The following CGNL1 variants were observed in gnomAD, a reference collection of about 807,000 sequenced individuals.
The protein encoded by CGNL1 is cingulin-like protein 1.
CGNL1 carries 132 observed loss-of-function variants against 141.2 expected under a neutral mutation model. That is an observed-to-expected ratio of 0.93 (90% CI 0.81 to 1.08). The LOEUF (loss-of-function observed/expected upper bound fraction) is 1.08, where lower values mean the gene tolerates loss of function less well. Among genes scored for constraint, CGNL1 ranks in the 50% least tolerant of loss-of-function variants. The pLI is 0.00. For synonymous variants in CGNL1, 690 were observed against 622.1 expected (o/e 1.11, Z -1.63); for missense variants, 1,870 against 1,588.6 (o/e 1.18, Z -3.01).
rs71116514 is a variant in CGNL1, at chr15:57,378,363, G to GTTTTTTT, written c.-16+1825_-16+1831dup. Among the ~76,000 whole-genome samples, 41 of 33,938 alleles carry GTTTTTTT rather than the reference G, an allele frequency of 1.2e-3. 4 individuals carry two copies. The highest frequency in any genetic ancestry group is 2.3e-3 in the Admixed American group (7 of 3,006). The allele number at this position is 33,938 out of a possible 152,430, so 22.3% of individuals were successfully genotyped here. ...TTTCTTAGGGGGTGGCCCTCTATGTGTTTTTTTTTTTTTTTTTTTTTTTTT... is the reference window on the plus strand; with the variant it reads ...TTTCTTAGGGGGTGGCCCTCTATGTGTTTTTTTTTTTTTTTTTTTTTTTTTTTTTTTT... On this transcript the variant is annotated intron_variant, in intron 1 of 18. Coordinates refer to ENST00000281282, the MANE Select transcript of CGNL1 (RefSeq NM_032866.5).
At position 57,442,494 on chromosome 15, in the gene CGNL1, G is replaced by T; in HGVS notation, c.1803+16G>T. On this transcript the variant is annotated intron_variant, in intron 4 of 18. Transcript: ENST00000281282. ...AAATAACCAAGTAAATGGAAGTTTT[G>T]TATTTTGTAGAGTGCATTTAGCATG... 1.3e-6 allele frequency: 2 copies of T among 1,486,492 alleles called. No individual in the cohort carries two copies. The highest frequency in any genetic ancestry group is 9.4e-7 in the Non-Finnish European group (1 of 1,064,690). 92.1% of individuals were successfully genotyped at this position (1,486,492 alleles called of 1,614,324 possible).
intron 7 of CGNL1, among the ~76,000 whole-genome samples, chr15:57,458,467 G>A (rs550219989): frequency 8.5e-5 from 13 of 152,300 alleles, no homozygotes; most frequent in Admixed American, 2.0e-4. Context: ...ACAGCATGTC[G>A]TTGCAGAATG....
At chr15:57,449,391 A>C (rs2063295130) in intron 4 of CGNL1, among the ~76,000 whole-genome samples, 1 of 152,126 alleles carries the variant, frequency 6.6e-6, no homozygotes, top group African/African-American at 2.4e-5. Context: ...TTCTCACTTA[A>C]ATTAACAAAC....
chr15:57,415,343 A>G (rs2062837138), intron 1 of CGNL1, among the ~76,000 whole-genome samples: 1 of 152,174 alleles, frequency 6.6e-6, no homozygotes, highest in African/African-American at 2.4e-5. Context: ...GAGTCCTTAT[A>G]TGGGAGACAG....
intron 1 of CGNL1, among the ~76,000 whole-genome samples, chr15:57,415,943 T>C (rs1272158286): frequency 6.6e-6 from 1 of 152,184 alleles, no homozygotes; most frequent in African/African-American, 2.4e-5. Context: ...TTCCCTGAGT[T>C]TCCCTTTGCC....
At chr15:57,412,608 C>T (rs1385849249) in intron 1 of CGNL1, among the ~76,000 whole-genome samples, 2 of 152,190 alleles carry the variant, frequency 1.3e-5, no homozygotes, top group African/African-American at 4.8e-5. Flanking sequence ...AACTCATTGT[C>T]TCCTGAAACA....
chr15:57,497,912 G>A (rs553034739), intron 8 of CGNL1, among the ~76,000 whole-genome samples: 7 of 152,332 alleles, frequency 4.6e-5, no homozygotes, highest in African/African-American at 9.6e-5. Flanking sequence ...TCAGTGTCAC[G>A]CTGAGAAGAG....
chr15:57,390,970 TAGTC>T (rs1376714642), intron 1 of CGNL1, among the ~76,000 whole-genome samples: 67 of 152,220 alleles, frequency 4.4e-4, no homozygotes, highest in African/African-American at 1.5e-3. Flanking sequence ...CCACCTGTAA[TAGTC>T]AGTGACAGGT....
intron 12 of CGNL1, among the ~76,000 whole-genome samples, chr15:57,528,116 G>A (rs150663515): frequency 6.6e-6 from 1 of 152,148 alleles, no homozygotes; most frequent in Non-Finnish European, 1.5e-5. Flanking sequence ...AATTAGCTCA[G>A]TGTGGTGGCA....
intron 4 of CGNL1, among the ~76,000 whole-genome samples, chr15:57,449,281 C>G (rs187284989): frequency 6.6e-6 from 1 of 152,320 alleles, no homozygotes; most frequent in East Asian, 1.9e-4. Flanking sequence ...CTGTGGACCT[C>G]TCTCCTCTCT....
chr15:57,383,626 CTTTTCT>C (rs771776483), intron 1 of CGNL1, among the ~76,000 whole-genome samples: 18 of 62,762 alleles, frequency 2.9e-4, no homozygotes, highest in South Asian at 6.4e-4. Flanking sequence ...CTTTTCTTTT[CTTTTCT>C]TTTTTTTTTT....
At chr15:57,514,009 C>G (rs1447388530) in intron 8 of CGNL1, among the ~76,000 whole-genome samples, 1 of 152,130 alleles carries the variant, frequency 6.6e-6, no homozygotes, top group African/African-American at 2.4e-5. Context: ...TATTATCTTT[C>G]TTTTTTATTA....
intron 1 of CGNL1, among the ~76,000 whole-genome samples, chr15:57,380,214 A>G (rs73421407): frequency 0.054 from 8,198 of 152,022 alleles, 636 homozygotes; most frequent in African/African-American, 0.17. Context: ...TTGTATTTTT[A>G]GTAGAGATGG....
intron 1 of CGNL1, among the ~76,000 whole-genome samples, chr15:57,429,183 G>C (rs1294668224): frequency 6.6e-6 from 1 of 152,202 alleles, no homozygotes; most frequent in East Asian, 1.9e-4. Flanking sequence ...TATGCCCTGA[G>C]TTTGAGTAGC....
intron 10 of CGNL1, among the ~76,000 whole-genome samples, chr15:57,518,798 A>G (rs2031033878): frequency 3.3e-5 from 5 of 152,212 alleles, no homozygotes; most frequent in Non-Finnish European, 1.5e-5. Context: ...GACAGCCCCC[A>G]CTGCAAAGAA....
intron 1 of CGNL1, among the ~76,000 whole-genome samples, chr15:57,413,225 C>CTCTTCCTCTCTT (rs1490914509): frequency 2.0e-3 from 254 of 126,112 alleles, no homozygotes; most frequent in African/African-American, 7.5e-3. Flanking sequence ...CTCTCTTCCT[C>CTCTTCCTCTCTT]CCTCCCTCCC....
intron 7 of CGNL1, among the ~76,000 whole-genome samples, chr15:57,454,191 G>T (rs900486847): frequency 1.3e-5 from 2 of 152,116 alleles, no homozygotes; most frequent in Admixed American, 6.5e-5. Context: ...GGTGTTTGAT[G>T]TTTGCTGTAA....
intron 14 of CGNL1, 53 bp downstream of exon 14, chr15:57,531,832 A>G: frequency 8.6e-7 from 1 of 1,160,210 alleles, no homozygotes; most frequent in Non-Finnish European, 1.3e-6. Context: ...AAAAAGGAAC[A>G]TGAGGGGTTA....
chr15:57,540,867 C>T (rs894016309), intron 14 of CGNL1, among the ~76,000 whole-genome samples: 1 of 152,240 alleles, frequency 6.6e-6, no homozygotes, highest in Admixed American at 6.5e-5. Context: ...TGAGACTACC[C>T]TTGCCCAGCA....
Sources: gnomAD v4.1 joint callset for allele counts (sites outside exome capture counted in the v4.1 genomes callset) on GRCh38, gnomAD v4.1.1 for gene constraint, MANE v1.5 for transcripts, NCBI Gene and HGNC (gene_info 2026-07-23, HGNC 2026-07-21) for gene names.